TCF7L1: variants seen among roughly 807,000 people sequenced by gnomAD.
The protein encoded by TCF7L1 is transcription factor 7 like 1.
In TCF7L1, 18 loss-of-function variants were observed where a neutral mutation model predicts 63.7. The observed-to-expected ratio is 0.28, with a 90% CI of 0.20 to 0.42. The LOEUF is 0.42. Among genes scored for constraint, TCF7L1 ranks in the 10% least tolerant of loss-of-function variants. TCF7L1 has a pLI of 1.00. For missense variants in TCF7L1, 654 were observed against 779.3 expected (o/e 0.84, Z 1.91); for synonymous variants, 355 against 340.9 (o/e 1.04, Z -0.46).
intron 3 of TCF7L1, among the ~76,000 whole-genome samples, chr2:85,144,135 C>T (rs1202135839): frequency 5.3e-5 from 8 of 152,140 alleles, no homozygotes; most frequent in Non-Finnish European, 1.2e-4. Flanking sequence ...GTTAACCCAG[C>T]TCTGGTGAAC....
chr2:85,275,113 G>C (rs62162674), intron 3 of TCF7L1, among the ~76,000 whole-genome samples: 50,113 of 152,192 alleles, frequency 0.33, 10,004 homozygotes, highest in Non-Finnish European at 0.45. Flanking sequence ...GGCACTCCCA[G>C]TGCCCTCTGT....
intron 3 of TCF7L1, among the ~76,000 whole-genome samples, chr2:85,221,601 A>T (rs1317331559): frequency 6.6e-6 from 1 of 152,068 alleles, no homozygotes; most frequent in Non-Finnish European, 1.5e-5. Context: ...AGAATGGGGG[A>T]TGGGGGGCAA....
At chr2:85,309,001 C>T (rs750410205) in intron 11 of TCF7L1, 28 bp from the exon 12 acceptor site, 2 of 1,559,296 alleles carry the variant, frequency 1.3e-6, no homozygotes, top group Non-Finnish European at 8.7e-7. Context: ...GCTATAGCTG[C>T]TCACTCTTTC....
chr2:85,308,461 CTT>C (rs1254602928), intron 11 of TCF7L1, among the ~76,000 whole-genome samples: 8 of 78,808 alleles, frequency 1.0e-4, no homozygotes, highest in South Asian at 5.6e-4. Context: ...CCCTCCCTCT[CTT>C]TCCCTCCCTC....
At chr2:85,298,755 A>G (rs1681893057) in intron 4 of TCF7L1, among the ~76,000 whole-genome samples, 1 of 152,076 alleles carries the variant, frequency 6.6e-6, no homozygotes, top group South Asian at 2.1e-4. Context: ...GGTTATCCAC[A>G]GAGGGGTGTG....
At chr2:85,144,088 C>T (rs1168578208) in intron 3 of TCF7L1, among the ~76,000 whole-genome samples, 1 of 152,174 alleles carries the variant, frequency 6.6e-6, no homozygotes, top group East Asian at 1.9e-4. Context: ...GAGGAGTAAA[C>T]TTACTATACT....
chr2:85,233,231 T>C (rs1680122092), intron 3 of TCF7L1, among the ~76,000 whole-genome samples: 1 of 151,276 alleles, frequency 6.6e-6, no homozygotes, highest in Non-Finnish European at 1.5e-5. Flanking sequence ...CCCACACCCA[T>C]CCTGGAGATT....
At chr2:85,280,696 C>T (rs1164952736) in intron 3 of TCF7L1, among the ~76,000 whole-genome samples, 1 of 152,180 alleles carries the variant, frequency 6.6e-6, no homozygotes, top group Admixed American at 6.5e-5. Context: ...CAAGTTGTTG[C>T]TTCTAGAAAA....
intron 3 of TCF7L1, among the ~76,000 whole-genome samples, chr2:85,210,843 C>T (rs1188107186): frequency 6.6e-6 from 1 of 152,224 alleles, no homozygotes; most frequent in Non-Finnish European, 1.5e-5. Context: ...AGCATCATCT[C>T]ATTACCTCCA....
In TCF7L1 at chr2:85,221,546, A is replaced by G. The variant is rs76442533; in HGVS notation, c.442-61949A>G. Reference sequence around the variant, plus strand: ...GCAGGCCTTCTTACTGCATCGTCCTATAGCAGAAAGGCAAGAGAGTACGCC... The same window carrying G: ...GCAGGCCTTCTTACTGCATCGTCCTGTAGCAGAAAGGCAAGAGAGTACGCC... On this transcript the variant is annotated intron_variant, in intron 3 of 11. Coordinates refer to ENST00000282111, the MANE Select transcript of TCF7L1 (RefSeq NM_031283.3). Among the ~76,000 whole-genome samples, 1,505 of 152,266 alleles carry G rather than the reference A, an allele frequency of 9.9e-3. 23 individuals carry two copies. Among genetic ancestry groups the G allele is most frequent in the African/African-American group, 0.034 (1,419 of 41,548 alleles).
intron 3 of TCF7L1, among the ~76,000 whole-genome samples, chr2:85,279,891 G>A (rs1347246621): frequency 1.3e-5 from 2 of 152,152 alleles, no homozygotes; most frequent in African/African-American, 4.8e-5. Context: ...AAGGGGCCAG[G>A]TATCAGTGGT....
intron 3 of TCF7L1, among the ~76,000 whole-genome samples, chr2:85,135,984 C>A (rs1677585015): frequency 6.6e-6 from 1 of 151,920 alleles, no homozygotes; most frequent in Non-Finnish European, 1.5e-5. Flanking sequence ...TTCAGTGATT[C>A]CCACCAGTGC....
At chr2:85,202,543 T>C (rs1391102545) in intron 3 of TCF7L1, among the ~76,000 whole-genome samples, 1 of 152,206 alleles carries the variant, frequency 6.6e-6, no homozygotes, top group Non-Finnish European at 1.5e-5. Context: ...ATAAAAAATA[T>C]GTCTTTAATT....
intron 3 of TCF7L1, among the ~76,000 whole-genome samples, chr2:85,261,767 G>C (rs931837167): frequency 2.6e-5 from 4 of 152,098 alleles, no homozygotes; most frequent in Non-Finnish European, 5.9e-5. Context: ...TGTGCCTATA[G>C]TCCCAGCTAC....
At chr2:85,225,472 C>G (rs1222069409) in intron 3 of TCF7L1, among the ~76,000 whole-genome samples, 2 of 152,178 alleles carry the variant, frequency 1.3e-5, no homozygotes. Flanking sequence ...GTTTGTAGTT[C>G]TCCTTGAAGA....
At chr2:85,261,126 GTGTGTGTGTGTGTGTGT>G (rs1680849033) in intron 3 of TCF7L1, among the ~76,000 whole-genome samples, 54 of 106,878 alleles carry the variant, frequency 5.1e-4, no homozygotes, top group African/African-American at 2.2e-3. Flanking sequence ...TATTGCTGGT[GTGTGTGTGTGTGTGTGT>G]GTGTGTGTGT....
At chr2:85,296,906 G>A (rs1256356374) in intron 4 of TCF7L1, among the ~76,000 whole-genome samples, 1 of 152,096 alleles carries the variant, frequency 6.6e-6, no homozygotes, top group Non-Finnish European at 1.5e-5. Context: ...GTTAAAATGG[G>A]CTCTAAAAAC....
intron 3 of TCF7L1, among the ~76,000 whole-genome samples, chr2:85,187,022 C>G (rs1311957685): frequency 6.6e-6 from 1 of 152,194 alleles, no homozygotes; most frequent in Non-Finnish European, 1.5e-5. Context: ...ACTCCGTCCC[C>G]TGCCCCCAGC....
At chr2:85,148,082 C>A (rs1677923602) in intron 3 of TCF7L1, among the ~76,000 whole-genome samples, 1 of 152,188 alleles carries the variant, frequency 6.6e-6, no homozygotes, top group South Asian at 2.1e-4. Context: ...TTCTACTTTA[C>A]AACATAAGCT....
Sources: gnomAD v4.1 joint callset for allele counts (sites outside exome capture counted in the v4.1 genomes callset) on GRCh38, gnomAD v4.1.1 for gene constraint, MANE v1.5 for transcripts, NCBI Gene and HGNC (gene_info 2026-07-23, HGNC 2026-07-21) for gene names.